The following KALRN variants were observed in gnomAD, a reference collection of about 807,000 sequenced individuals.
KALRN encodes kalirin.
KALRN carries 70 observed loss-of-function variants against 353.7 expected under a neutral mutation model. The ratio of observed to expected loss-of-function variants is 0.20; its 90% CI spans 0.16 to 0.24. KALRN has a LOEUF of 0.24. Ranked by LOEUF, KALRN falls within the 10% of genes least tolerant of loss-of-function variation. KALRN has a pLI of 1.00. For missense variants in KALRN, 2,791 were observed against 3,756.7 expected, an observed-to-expected ratio of 0.74 and a Z score of 6.72; for synonymous variants, 1,391 against 1,434.8, an observed-to-expected ratio of 0.97 and a Z score of 0.69.
chr3:124,476,383 A>G (rs554974484), intron 26 of KALRN, among the ~76,000 whole-genome samples: 1 of 151,620 alleles, frequency 6.6e-6, no homozygotes, highest in Admixed American at 6.6e-5. Context: ...AACAGAACTC[A>G]CTGTATAGAG....
chr3:124,158,629 T>C (rs1486113623), intron 1 of KALRN, among the ~76,000 whole-genome samples: 1 of 152,146 alleles, frequency 6.6e-6, no homozygotes, highest in African/African-American at 2.4e-5. Context: ...CCTCTGCAAC[T>C]CATCATGTTA....
In KALRN at chr3:124,178,545, T is replaced by C. The variant is rs117379394; in HGVS notation, c.74-49445T>C. Among the ~76,000 whole-genome samples the C allele has an allele frequency of 3.7e-4, 57 of 152,348 alleles. No homozygotes were observed. In the East Asian group the frequency reaches 0.01, roughly 27 times the overall value. ...TTGGCTACAGACCTGTGTAGCATGT[T>C]ACTGTACCAGATACTGTAGGCAATC... On this transcript the variant is annotated intron_variant, in intron 1 of 59. Transcript: ENST00000682506.
chr3:124,600,954 G>A (rs774733180), intron 34 of KALRN, among the ~76,000 whole-genome samples: 16 of 152,226 alleles, frequency 1.1e-4, no homozygotes, highest in South Asian at 2.1e-4. Flanking sequence ...ACATGGGCCA[G>A]TTGGCCCTCT....
intron 1 of KALRN, chr3:124,151,875 G>A (rs1443986022): frequency 1.9e-6 from 1 of 530,148 alleles, no homozygotes; most frequent in Non-Finnish European, 3.3e-6. Context: ...AGAAAGAGAG[G>A]TTATTATTAC....
chr3:124,227,673 T>TG (rs1560289061), intron 1 of KALRN, among the ~76,000 whole-genome samples: 14 of 22,990 alleles, frequency 6.1e-4, no homozygotes, highest in African/African-American at 2.2e-3. Context: ...GTTTTTTTTT[T>TG]TTTTTTTTTT....
In KALRN at chr3:124,347,274, CTGTGTGTGTGTG is replaced by C. The variant is rs61359186; in HGVS notation, c.1770+45_1770+56del. The C allele has an allele frequency of 6.3e-4, 724 of 1,153,568 alleles. 1 individual carries two copies. The highest frequency in any genetic ancestry group is 4.9e-3 in the African/African-American group (174 of 35,612). 71.5% of individuals were successfully genotyped at this position (1,153,568 alleles called of 1,614,324 possible). A position where few individuals can be genotyped will look rare whatever the true frequency, so the allele number is the denominator to read the frequency against. ...TTGAAGAGGTGGCTCAGGTGAGAAG[CTGTGTGTGTGTG>C]TGTGTGTGTGTGTGTGTGTGTGTGT... On this transcript the variant is annotated intron_variant, in intron 10 of 59. Transcript: ENST00000682506.
intron 3 of KALRN, among the ~76,000 whole-genome samples, chr3:124,252,436 A>G (rs2071304184): frequency 6.6e-6 from 1 of 152,220 alleles, no homozygotes; most frequent in African/African-American, 2.4e-5. Context: ...TGTTCTACGC[A>G]TCTATGAGGC....
chr3:124,626,273 C>G (rs578064620), intron 34 of KALRN, among the ~76,000 whole-genome samples: 51 of 152,272 alleles, frequency 3.3e-4, no homozygotes, highest in African/African-American at 1.2e-3. Context: ...AAGATGCACA[C>G]TAGCTTCAGA....
At chr3:124,083,163 A>C (rs963302549) in intron 1 of KALRN, among the ~76,000 whole-genome samples, 7 of 152,202 alleles carry the variant, frequency 4.6e-5, no homozygotes, top group African/African-American at 1.7e-4. Context: ...TGTTGAGTGA[A>C]TGAAAGCTGC....
At position 124,656,841 on chromosome 3, in the gene KALRN, G is replaced by C. The variant is rs368827894; in HGVS notation, c.5863-607G>C. On this transcript the variant is annotated intron_variant, in intron 39 of 59. Transcript: ENST00000682506. ...TTATTCTTGTCTTTTTGTGGGGCTG[G>C]GGGGTGGAAGAGGTACAATAGCTTC... is the stretch of plus-strand genomic sequence containing the variant. Among the ~76,000 whole-genome samples, 3 of 152,170 alleles carry C rather than the reference G, an allele frequency of 2.0e-5. No individual in the cohort carries two copies. The East Asian group carries it at 5.8e-4, about 29-fold the overall frequency.
At chr3:124,076,397 A>G (rs1179478534) in intron 1 of KALRN, among the ~76,000 whole-genome samples, 1 of 152,132 alleles carries the variant, frequency 6.6e-6, no homozygotes, top group African/African-American at 2.4e-5. Context: ...TTGCTTCATG[A>G]TGGGGCTTCT....
intron 8 of KALRN, among the ~76,000 whole-genome samples, chr3:124,333,594 A>C (rs2080822405): frequency 6.6e-6 from 1 of 152,130 alleles, no homozygotes; most frequent in African/African-American, 2.4e-5. Flanking sequence ...AGTCAGTTAA[A>C]ATGTTTACCA....
intron 1 of KALRN, among the ~76,000 whole-genome samples, chr3:124,199,879 T>C (rs1320617945): frequency 2.6e-5 from 4 of 152,178 alleles, no homozygotes; most frequent in Non-Finnish European, 5.9e-5. Flanking sequence ...TTGGATTTGG[T>C]TTTTTAGTAC....
At chr3:124,238,431 C>T (rs58248175) in intron 3 of KALRN, among the ~76,000 whole-genome samples, 14,231 of 152,110 alleles carry the variant, frequency 0.094, 1,584 homozygotes, top group East Asian at 0.46. Flanking sequence ...GACCAGATGA[C>T]CCTCTGTTAG....
chr3:124,325,847 C>A, intron 6 of KALRN, 133 bp from the exon 7 acceptor site: 1 of 582,838 alleles, frequency 1.7e-6, no homozygotes. Context: ...AACAAATACA[C>A]TAGTATGGAC....
intron 10 of KALRN, among the ~76,000 whole-genome samples, chr3:124,363,804 C>G (rs1433547664): frequency 6.6e-6 from 1 of 152,194 alleles, no homozygotes; most frequent in Non-Finnish European, 1.5e-5. Context: ...AAAGCTAAAG[C>G]TAATGATTTA....
rs1161099428 is a variant in KALRN at position 124,726,191 on chromosome 3, CAT to C, written c.*6722_*6723del. ...ATTTTATTTGTAAGTCAAAATCACT[CAT>C]GTGTAATGTTGTAAAGTGATGACCT... is the stretch of plus-strand genomic sequence containing the variant. On this transcript the variant is annotated 3_prime_UTR_variant, in exon 60 of 60. Transcript: ENST00000682506. 7.9e-5 allele frequency: 12 copies of C among 152,142 alleles called. No homozygotes were observed. Among genetic ancestry groups the C allele is most frequent in the African/African-American group, 1.7e-4 (7 of 41,424 alleles). 9.4% of individuals were successfully genotyped at this position (152,142 alleles called of 1,614,324 possible). A position where few individuals can be genotyped will look rare whatever the true frequency, so the allele number is the denominator to read the frequency against.
intron 11 of KALRN, among the ~76,000 whole-genome samples, chr3:124,389,495 A>C (rs2149997935): frequency 6.6e-6 from 1 of 152,304 alleles, no homozygotes; most frequent in East Asian, 1.9e-4. Flanking sequence ...TGAATTCTTT[A>C]TTTATTGTAG....
At chr3:124,563,675 C>T (rs2072347929) in intron 34 of KALRN, among the ~76,000 whole-genome samples, 1 of 152,200 alleles carries the variant, frequency 6.6e-6, no homozygotes, top group Admixed American at 6.5e-5. Context: ...TCTGTGTTCC[C>T]TTCACATGCC....
Sources: allele counts gnomAD v4.1 joint callset (sites outside exome capture counted in the v4.1 genomes callset), GRCh38; gene constraint gnomAD v4.1.1; transcripts MANE v1.5; gene names NCBI Gene and HGNC (gene_info 2026-07-23, HGNC 2026-07-21).